The following EVC variants were observed in gnomAD, a reference collection of about 807,000 sequenced individuals.
EVC encodes the protein evC complex member EVC.
A neutral mutation model predicts 118.9 loss-of-function variants in EVC; 116 were observed. The ratio of observed to expected loss-of-function variants is 0.98; its 90% CI spans 0.84 to 1.14. The LOEUF (loss-of-function observed/expected upper bound fraction) is 1.14. Ranked by LOEUF, EVC falls within the 50% of genes most tolerant of loss-of-function variation. The pLI, the probability that EVC is intolerant of heterozygous loss-of-function variation, is 0.00. For missense variants in EVC, 1,401 were observed against 1,246.4 expected (o/e 1.12, Z -1.87); for synonymous variants, 619 against 534.7 (o/e 1.16, Z -2.18).
At chr4:5,716,285 A>G (rs569552747) in intron 1 of EVC, among the ~76,000 whole-genome samples, 4 of 152,386 alleles carry the variant, frequency 2.6e-5, no homozygotes, top group South Asian at 4.1e-4. Context: ...TTGTAAATCA[A>G]TACATGAAGG....
At chr4:5,787,660 T>G (rs1711943345) in intron 12 of EVC, among the ~76,000 whole-genome samples, 1 of 152,148 alleles carries the variant, frequency 6.6e-6, no homozygotes, top group Non-Finnish European at 1.5e-5. Flanking sequence ...AAATTTGTAA[T>G]AAAGTGTTAT....
At chr4:5,717,792 C>G (rs938733711) in intron 1 of EVC, among the ~76,000 whole-genome samples, 12 of 152,258 alleles carry the variant, frequency 7.9e-5, no homozygotes, top group African/African-American at 2.9e-4. Context: ...GTCCAAGAGA[C>G]TTTGTCTCCC....
chr4:5,797,847 G>C (rs1714262512), intron 14 of EVC, among the ~76,000 whole-genome samples: 1 of 152,222 alleles, frequency 6.6e-6, no homozygotes, highest in Non-Finnish European at 1.5e-5. Context: ...AGGTGCAGTT[G>C]TCATTGGGGG....
intron 17 of EVC, 69 bp from the exon 18 acceptor site, chr4:5,808,132 T>TACCAGC: frequency 2.2e-6 from 1 of 464,752 alleles, no homozygotes. Context: ...GCCTTCCTTC[T>TACCAGC]CCCTCCCTCC....
chr4:5,797,047 C>T lies in EVC; in HGVS notation c.1912C>T (p.His638Tyr). 1 of 1,613,280 alleles carries T rather than the reference C, an allele frequency of 6.2e-7. No homozygotes were observed. The highest frequency in any genetic ancestry group is 8.5e-7 in the Non-Finnish European group (1 of 1,179,906). The change falls in exon 14 of 21, where the codon CAT (histidine) becomes TAT (tyrosine). Residue 638 changes from histidine (H) to tyrosine (Y), a missense_variant. By Grantham distance (83) the His-to-Tyr change is moderately conservative. Transcript: ENST00000264956. Reference protein sequence around the residue: ...EESTRCVLQGHDLLLRSALRR... With the variant: ...EESTRCVLQGYDLLLRSALRR... ...GTCCACGCGGTGTGTCCTGCAGGGG[C>T]ATGACCTGCTGTTGCGCTCAGCCCT...
rs7689236 is a variant in EVC, at chr4:5,775,595, G to C, written c.1564-7957G>C. Among the ~76,000 whole-genome samples the C allele has an allele frequency of 8.4e-3, 1,279 of 152,264 alleles. 21 individuals are homozygous for C. Among genetic ancestry groups the C allele is most frequent in the African/African-American group, 0.029 (1,214 of 41,520 alleles). ...AACTTGATATTTGAGAGATCCATCCGTGTGGTTGTATGTTGTAGTTCATTC... is the reference window on the plus strand; with the variant it reads ...AACTTGATATTTGAGAGATCCATCCCTGTGGTTGTATGTTGTAGTTCATTC... On this transcript the variant is annotated intron_variant, in intron 11 of 20. Transcript: ENST00000264956.
intron 2 of EVC, among the ~76,000 whole-genome samples, chr4:5,725,100 C>T (rs1725603650): frequency 6.6e-6 from 1 of 152,148 alleles, no homozygotes; most frequent in Non-Finnish European, 1.5e-5. Flanking sequence ...TGTATATGTA[C>T]CACATTTTCT....
At chr4:5,729,428 TTCC>T (rs1726422529) in intron 3 of EVC, 38 bp downstream of exon 3, 1 of 1,572,568 alleles carries the variant, frequency 6.4e-7, no homozygotes. Flanking sequence ...AGCCAGTTAC[TTCC>T]GTCATGTGCC....
chr4:5,764,709 T>C (rs1347332984), intron 11 of EVC, among the ~76,000 whole-genome samples: 1 of 144,224 alleles, frequency 6.9e-6, no homozygotes, highest in Non-Finnish European at 1.5e-5. Flanking sequence ...TGTAGTATTC[T>C]CTGATGGTAG....
At chr4:5,810,529 C>A in intron 20 of EVC, 79 bp downstream of exon 20, 1 of 1,060,594 alleles carries the variant, frequency 9.4e-7, no homozygotes, top group Non-Finnish European at 1.4e-6. Context: ...AAAGTCAGGG[C>A]AGGAAAATCA....
intron 5 of EVC, among the ~76,000 whole-genome samples, chr4:5,734,739 A>G (rs7663514): frequency 0.45 from 68,061 of 152,088 alleles, 15,899 homozygotes; most frequent in African/African-American, 0.59. Context: ...GACTGGCCTC[A>G]TAAACGGGTG....
In EVC at chr4:5,765,366, A is replaced by G. The variant is rs1409310290; in HGVS notation, c.1563+9004A>G. Among the ~76,000 whole-genome samples the G allele has an allele frequency of 6.2e-5, 7 of 113,234 alleles. 1 individual carries two copies. The highest frequency in any genetic ancestry group is 1.3e-4 in the Non-Finnish European group (7 of 52,882). The allele number at this position is 113,234 out of a possible 152,430, so 74.3% of individuals were successfully genotyped here. On this transcript the variant is annotated intron_variant, in intron 11 of 20. Transcript: ENST00000264956. ...AATAGGTGTGGTGTGGTGCTGAAAA[A>G]AATGTATATTCTGTTGATTTGGGGT...
rs79903876 is a variant in EVC, at chr4:5,798,124, T to C, written c.2098-462T>C. On this transcript the variant is annotated intron_variant, in intron 14 of 20. Coordinates refer to ENST00000264956, the MANE Select transcript of EVC (RefSeq NM_153717.3). This position sits in a 1 kb window ranked among gnomAD's most constrained non-coding sequence, Gnocchi z 4.1. ...CAGCCCCGCTCACTTCTTTCTCTCT[T>C]ATTTCTACAAATAAAGGCAGTCCTC... Among the ~76,000 whole-genome samples the C allele has an allele frequency of 0.013, 1,931 of 152,306 alleles. 45 individuals are homozygous for C. Among genetic ancestry groups the C allele is most frequent in the African/African-American group, 0.044 (1,822 of 41,572 alleles).
intron 5 of EVC, among the ~76,000 whole-genome samples, chr4:5,736,854 G>A (rs375256295): frequency 2.6e-4 from 39 of 152,254 alleles, no homozygotes; most frequent in African/African-American, 9.1e-4. Flanking sequence ...TTGAAATTAA[G>A]CCAGTTAGTA....
chr4:5,828,053 G>A, the EVC span: 1 of 985,442 alleles, frequency 1.0e-6, no homozygotes, highest in Non-Finnish European at 1.2e-6. Context: ...CCTGCAAGAT[G>A]CCAGGGGTAA....
At chr4:5,790,438 G>A (rs948477001) in intron 12 of EVC, among the ~76,000 whole-genome samples, 4 of 152,262 alleles carry the variant, frequency 2.6e-5, no homozygotes, top group Admixed American at 1.3e-4. Flanking sequence ...TCCAAATGCA[G>A]CGTGCGCCAT....
intron 2 of EVC, among the ~76,000 whole-genome samples, chr4:5,726,855 AATG>A (rs1281717515): frequency 6.6e-6 from 1 of 151,122 alleles, no homozygotes; most frequent in Non-Finnish European, 1.5e-5. Flanking sequence ...GTTTACTGAG[AATG>A]ATGATTTCCA....
downstream of EVC, among the ~76,000 whole-genome samples, chr4:5,817,630 T>A (rs1717914245): frequency 6.6e-6 from 1 of 152,188 alleles, no homozygotes. Context: ...ACTTCATAAA[T>A]GGACTTGATT....
chr4:5,826,591 G>T, the EVC span: 2 of 152,360 alleles, frequency 1.3e-5, no homozygotes, highest in Non-Finnish European at 2.9e-5. Flanking sequence ...CTGTCAGCCT[G>T]CTGGGAACTG....
Sources: allele counts gnomAD v4.1 joint callset (sites outside exome capture counted in the v4.1 genomes callset), GRCh38; gene constraint gnomAD v4.1.1; non-coding constraint Gnocchi (gnomAD v3.1); transcripts MANE v1.5; gene names NCBI Gene and HGNC (gene_info 2026-07-23, HGNC 2026-07-21).